Variants in PCYT1A observed in about 807,000 individuals in gnomAD.
PCYT1A encodes the protein phosphate cytidylyltransferase 1A, choline, also known as choline-phosphate cytidylyltransferase A.
Under a neutral mutation model 43.7 loss-of-function variants are expected in PCYT1A, and 25 were observed. That is an observed-to-expected ratio of 0.57 (90% CI 0.42 to 0.80). PCYT1A has a LOEUF of 0.80. Ranked by LOEUF, PCYT1A falls within the 30% of genes least tolerant of loss-of-function variation. PCYT1A has a pLI of 0.00. For synonymous variants in PCYT1A, 172 were observed against 170.7 expected (o/e 1.01, Z -0.06); for missense variants, 421 against 474.2 (o/e 0.89, Z 1.04).
intron 8 of PCYT1A, 48 bp from the exon 9 acceptor site, chr3:196,238,942 T>A: frequency 8.6e-7 from 1 of 1,162,908 alleles, no homozygotes; most frequent in Non-Finnish European, 1.2e-6. Flanking sequence ...GGATCCTACT[T>A]AATCATCACT....
rs577628525 is a variant in PCYT1A at position 196,257,654 on chromosome 3, G to A, written c.217+134C>T. ...TTCTAAATAGAACATCAAGACAGGT[G>A]AGAAGAACCCCTTCGCTGCTGGCCT... On this transcript the variant is annotated intron_variant, in intron 3 of 8. Coordinates refer to ENST00000431016, the MANE Select transcript of PCYT1A (RefSeq NM_001312673.2). 6 of 583,218 alleles carry A rather than the reference G, an allele frequency of 1.0e-5. No individual in the cohort carries two copies. The Admixed American group carries it at 1.2e-4, about 11-fold the overall frequency. The allele number at this position is 583,218 out of a possible 1,614,324, so 36.1% of individuals were successfully genotyped here.
Position 196,238,389 on chromosome 3 carries a change from A to G in PCYT1A, c.*299T>C, listed in dbSNP as rs1724234353. On this transcript the variant is annotated 3_prime_UTR_variant, in exon 9 of 9. Transcript: ENST00000431016. ...GACGAATTTTTTAAAAAATTAATGAAAATGACAATTTCCCTGTTGAGATCA... is the reference window on the plus strand; with the variant it reads ...GACGAATTTTTTAAAAAATTAATGAGAATGACAATTTCCCTGTTGAGATCA... 1 of 246,444 alleles carries G rather than the reference A, an allele frequency of 4.1e-6. No individual in the cohort carries two copies. Among genetic ancestry groups the G allele is most frequent in the South Asian group, 1.7e-4 (1 of 5,760 alleles). 15.3% of individuals were successfully genotyped at this position (246,444 alleles called of 1,614,324 possible). A position where few individuals can be genotyped will look rare whatever the true frequency, so the allele number is the denominator to read the frequency against.
At chr3:196,278,683 C>T (rs1725663567) in intron 1 of PCYT1A, among the ~76,000 whole-genome samples, 1 of 152,114 alleles carries the variant, frequency 6.6e-6, no homozygotes, top group African/African-American at 2.4e-5. Context: ...CTTTCTTTGT[C>T]AAAAAGGCTA....
At chr3:196,284,507 A>G (rs747382673) in intron 1 of PCYT1A, among the ~76,000 whole-genome samples, 2 of 152,236 alleles carry the variant, frequency 1.3e-5, no homozygotes, top group Admixed American at 6.5e-5. Flanking sequence ...AGAGAAAGCA[A>G]TAATGCTTTC....
At chr3:196,250,253 G>A (rs927196539) in intron 3 of PCYT1A, among the ~76,000 whole-genome samples, 10 of 151,314 alleles carry the variant, frequency 6.6e-5, no homozygotes, top group African/African-American at 1.7e-4. Context: ...ACACCATGCC[G>A]AGGCTGAGGA....
Position 196,242,576 on chromosome 3 carries a change from T to C in PCYT1A, c.551A>G (p.His184Arg). 3 of 1,609,700 alleles carry C rather than the reference T, an allele frequency of 1.9e-6. No individual in the cohort carries two copies. Among genetic ancestry groups the C allele is most frequent in the Non-Finnish European group, 2.6e-6 (3 of 1,175,950 alleles). ...AGCTCACTCACCTGCCTCCTTGATG[T>C]GCTTATAAACATCATCACTGCCAGC... ...SSAGSDDVYK[H>R]IKEAGMFAPT... The change falls in exon 6 of 9, where the codon CAC (histidine) becomes CGC (arginine). Residue 184 changes from histidine to arginine, a missense_variant. Around this residue, in one of 3 missense-constraint regions of PCYT1A, gnomAD observed 174 missense variants for 270.7 expected, o/e 0.64. Coordinates refer to ENST00000431016, the MANE Select transcript of PCYT1A (RefSeq NM_001312673.2). This position sits in a 1 kb window ranked among gnomAD's most constrained non-coding sequence, Gnocchi z 4.2.
rs1459397745 is a variant in PCYT1A at position 196,277,871 on chromosome 3, T to C, written c.-10-7330A>G. 6.6e-6 allele frequency among the ~76,000 whole-genome samples: 1 copy of C among 152,212 alleles called. No homozygotes were observed. Among genetic ancestry groups the C allele is most frequent in the Non-Finnish European group, 1.5e-5 (1 of 68,044 alleles). The stretch of plus-strand genomic sequence containing the variant: ...CTGGGCGACAGAGCGAGACTTTGTC[T>C]CAAAATAATAATAACAATAATAAAC... On this transcript the variant is annotated intron_variant, in intron 1 of 8. Coordinates refer to ENST00000431016, the MANE Select transcript of PCYT1A (RefSeq NM_001312673.2). The surrounding 1 kb of genome is among the most constrained non-coding windows in gnomAD (Gnocchi z 4.1).
chr3:196,270,635 C>CA, intron 1 of PCYT1A, 94 bp from the exon 2 acceptor site: 1 of 815,234 alleles, frequency 1.2e-6, no homozygotes, highest in African/African-American at 1.7e-5. Context: ...ATACACTCAG[C>CA]AAAATACCAA....
At chr3:196,249,502 T>C (rs1436170756) in intron 3 of PCYT1A, among the ~76,000 whole-genome samples, 3 of 152,020 alleles carry the variant, frequency 2.0e-5, no homozygotes, top group Non-Finnish European at 1.5e-5. Context: ...TGTACCAAAC[T>C]TTTCAGGCAC....
At chr3:196,287,390 C>G (rs1441212525) in intron 1 of PCYT1A, 3 of 152,296 alleles carry the variant, frequency 2.0e-5, no homozygotes, top group Non-Finnish European at 4.4e-5. Flanking sequence ...GTCCAAGTGC[C>G]GTCGCAGCCC....
intron 8 of PCYT1A, 108 bp downstream of exon 8, chr3:196,239,439 G>A (rs1384882740): frequency 4.4e-6 from 3 of 677,334 alleles, no homozygotes; most frequent in East Asian, 2.6e-5. Flanking sequence ...CCAGATAAGG[G>A]GATAGACTAG....
chr3:196,261,129 G>A (rs1007521093), intron 2 of PCYT1A, among the ~76,000 whole-genome samples: 4 of 152,146 alleles, frequency 2.6e-5, no homozygotes, highest in South Asian at 2.1e-4. Context: ...GTTCAGACTA[G>A]GCAAAGCTGT....
chr3:196,275,373 G>C (rs1333980965), intron 1 of PCYT1A, among the ~76,000 whole-genome samples: 2 of 152,174 alleles, frequency 1.3e-5, no homozygotes, highest in African/African-American at 4.8e-5. Context: ...TGGAATGGTG[G>C]TTACAAGAGA....
intron 2 of PCYT1A, among the ~76,000 whole-genome samples, chr3:196,264,477 T>C (rs1725209308): frequency 6.6e-6 from 1 of 152,334 alleles, no homozygotes; most frequent in South Asian, 2.1e-4. Flanking sequence ...GATTCTGAAC[T>C]TGTACCCCAT....
In PCYT1A at chr3:196,242,623, A is replaced by G. The variant is rs1358791630; in HGVS notation, c.504T>C (p.His168=). The stretch of plus-strand genomic sequence containing the variant: ...CAGCAGATGAATAAGGAATATCATC[A>G]TGGGCTACAAAATCAATCTGAAAAT... ...LAEHRIDFVA[H]DDIPYSSAGS... Residue 168 remains histidine, a synonymous_variant, in exon 6 of 9, where the codon CAT becomes CAC. Transcript: ENST00000431016. This position sits in a 1 kb window ranked among gnomAD's most constrained non-coding sequence, Gnocchi z 4.2. The G allele has an allele frequency of 6.2e-7, 1 of 1,607,376 alleles. No homozygotes were observed. Among genetic ancestry groups the G allele is most frequent in the East Asian group, 2.2e-5 (1 of 44,840 alleles).
In PCYT1A at chr3:196,275,332, C is replaced by A. The variant is rs570982255; in HGVS notation, c.-10-4791G>T. 1.5e-4 allele frequency among the ~76,000 whole-genome samples: 23 copies of A among 152,254 alleles called. No homozygotes were observed. The South Asian group carries it at 3.9e-3, about 26-fold the overall frequency. On this transcript the variant is annotated intron_variant, in intron 1 of 8. Coordinates refer to ENST00000431016, the MANE Select transcript of PCYT1A (RefSeq NM_001312673.2). ...AAATGACCTCACTTATTTGTGGAAT[C>A]TAAAAGAGTGGAACTCACAGAAGTA...
At chr3:196,287,477 C>A in intron 1 of PCYT1A, 138 bp downstream of exon 1, 1 of 152,594 alleles carries the variant, frequency 6.6e-6, no homozygotes, top group Non-Finnish European at 1.5e-5. Context: ...GTCACTGGCC[C>A]TCGGTCACAG....
At chr3:196,274,534 T>G (rs1364728292) in intron 1 of PCYT1A, among the ~76,000 whole-genome samples, 1 of 152,156 alleles carries the variant, frequency 6.6e-6, no homozygotes, top group Non-Finnish European at 1.5e-5. Context: ...AGCCAGAAAT[T>G]GGGGGTAGGG....
At chr3:196,251,036 T>C (rs975262660) in intron 3 of PCYT1A, among the ~76,000 whole-genome samples, 70 of 149,044 alleles carry the variant, frequency 4.7e-4, no homozygotes, top group Non-Finnish European at 9.2e-4. Context: ...GAGGACCAGA[T>C]ACACCATGCT....
Sources: gnomAD v4.1 joint callset for allele counts (sites outside exome capture counted in the v4.1 genomes callset) on GRCh38, gnomAD v4.1.1 for gene constraint, gnomAD v4.1.1 regional missense constraint, Gnocchi (gnomAD v3.1) non-coding constraint, MANE v1.5 for transcripts, NCBI Gene and HGNC (gene_info 2026-07-23, HGNC 2026-07-21) for gene names.